GALNT3: variants seen among roughly 807,000 people sequenced by gnomAD.
GALNT3 encodes the protein polypeptide N-acetylgalactosaminyltransferase 3.
Under a neutral mutation model 69.8 loss-of-function variants are expected in GALNT3, and 51 were observed. The observed-to-expected ratio is 0.73, with a 90% CI of 0.58 to 0.92. GALNT3 has a LOEUF of 0.92. Ranked by LOEUF, GALNT3 falls within the 40% of genes least tolerant of loss-of-function variation. The pLI is 0.00. For synonymous variants in GALNT3, 265 were observed against 248.5 expected (o/e 1.07, Z -0.63); for missense variants, 711 against 760.0 (o/e 0.94, Z 0.76).
chr2:165,791,598 T>C (rs2105235703), intron 1 of GALNT3, among the ~76,000 whole-genome samples: 1 of 152,210 alleles, frequency 6.6e-6, no homozygotes, highest in Non-Finnish European at 1.5e-5. Context: ...TTAAAGAAAC[T>C]TAGTGTTAAG....
Position 165,764,914 on chromosome 2 carries a change from T to C in GALNT3, c.658A>G (p.Ile220Val). 1 of 1,614,220 alleles carries C rather than the reference T, an allele frequency of 6.2e-7. No homozygotes were observed. The highest frequency in any genetic ancestry group is 8.5e-7 in the Non-Finnish European group (1 of 1,180,036). ...ACACTAGCATCATCCACCAAAATGA[T>C]TTCCTTCAGCAGTATTGCAGGTGAA... ...YSSPAILLKEIILVDDASVDE... is the reference protein window; with the variant it reads ...YSSPAILLKEVILVDDASVDE... Residue 220 changes from isoleucine to valine, a missense_variant, in exon 3 of 11, where the codon ATC becomes GTC. By Grantham distance (29) the Ile-to-Val change is conservative (BLOSUM62 3). Coordinates refer to ENST00000392701, the MANE Select transcript of GALNT3 (RefSeq NM_004482.4).
chr2:165,788,094 C>T (rs1008974182), intron 1 of GALNT3, among the ~76,000 whole-genome samples: 2 of 151,990 alleles, frequency 1.3e-5, no homozygotes, highest in East Asian at 1.9e-4. Flanking sequence ...TTTGGGAGGC[C>T]GAGGCGGGAG....
At chr2:165,771,076 C>T (rs1231549765) in intron 1 of GALNT3, among the ~76,000 whole-genome samples, 1 of 151,922 alleles carries the variant, frequency 6.6e-6, no homozygotes, top group Non-Finnish European at 1.5e-5. Flanking sequence ...CCACTATATA[C>T]TATGTATAAA....
intron 1 of GALNT3, among the ~76,000 whole-genome samples, chr2:165,783,184 A>C (rs571881526): frequency 6.6e-6 from 1 of 152,286 alleles, no homozygotes; most frequent in South Asian, 2.1e-4. Flanking sequence ...GAGAGCAGGC[A>C]CAGATTTTTT....
At chr2:165,761,619 A>AAAAAAAAAAAAAAAG in intron 4 of GALNT3, 1 of 605,094 alleles carries the variant, frequency 1.7e-6, no homozygotes, top group Non-Finnish European at 2.9e-6. Flanking sequence ...GAAACATGGA[A>AAAAAAAAAAAAAAAG]AAAAAAAAAA....
chr2:165,783,582 AT>A (rs930954477), intron 1 of GALNT3, among the ~76,000 whole-genome samples: 34 of 151,582 alleles, frequency 2.2e-4, no homozygotes, highest in African/African-American at 7.5e-4. Flanking sequence ...TAGATAACAA[AT>A]TTTTTTTTGC....
intron 1 of GALNT3, chr2:165,793,606 G>C (rs1206344585): frequency 6.6e-6 from 1 of 152,372 alleles, no homozygotes; most frequent in African/African-American, 2.4e-5. Flanking sequence ...GGGCAGAGAG[G>C]CTGGAGGAGA....
At chr2:165,793,519 C>T (rs1414419966) in intron 1 of GALNT3, among the ~76,000 whole-genome samples, 1 of 152,246 alleles carries the variant, frequency 6.6e-6, no homozygotes, top group East Asian at 1.9e-4. Context: ...GGTTTGCAGC[C>T]TAGAACTGTT....
At chr2:165,751,406 A>C (rs1200248742) in intron 9 of GALNT3, among the ~76,000 whole-genome samples, 1 of 152,156 alleles carries the variant, frequency 6.6e-6, no homozygotes, top group Non-Finnish European at 1.5e-5. Flanking sequence ...GTAGTTCTTC[A>C]GATGGAAACA....
Position 165,759,330 on chromosome 2 carries a change from TCTTA to T in GALNT3, c.1073+2_1073+5del. 6.2e-7 allele frequency: 1 copy of T among 1,606,070 alleles called. No individual in the cohort carries two copies. The highest frequency in any genetic ancestry group is 8.5e-7 in the Non-Finnish European group (1 of 1,173,292). ...AAATATAAGACTCTGAGAGCAATCA[TCTTA>T]CTTAATTGGGTAGGTTTCATCTTTC... is the stretch of plus-strand genomic sequence containing the variant. On this transcript the variant is annotated splice_donor_variant and splice_donor_5th_base_variant and intron_variant, in intron 5 of 10. Coordinates refer to ENST00000392701, the MANE Select transcript of GALNT3 (RefSeq NM_004482.4). LOFTEE classifies it high-confidence loss of function.
intron 9 of GALNT3, among the ~76,000 whole-genome samples, chr2:165,752,089 C>A (rs556337162): frequency 6.6e-6 from 1 of 152,242 alleles, no homozygotes; most frequent in East Asian, 1.9e-4. Context: ...GCCAGTTAAG[C>A]CCTACATGAT....
Position 165,748,907 on chromosome 2 carries a change from G to T in GALNT3, c.1780-4C>A, listed in dbSNP as rs367583324. On this transcript the variant is annotated splice_region_variant and splice_polypyrimidine_tract_variant and intron_variant, in intron 10 of 10. Transcript: ENST00000392701. ...ATGGATTGTATAGAAGTTGATCCTA[G>T]AATAAAAGGAAACAACAGACATTAA... 1.4e-5 allele frequency: 22 copies of T among 1,606,974 alleles called. No individual in the cohort carries two copies. The highest frequency in any genetic ancestry group is 1.9e-5 in the Non-Finnish European group (22 of 1,175,238).
intron 1 of GALNT3, among the ~76,000 whole-genome samples, chr2:165,776,018 C>T (rs752997599): frequency 4.6e-5 from 7 of 152,086 alleles, no homozygotes; most frequent in Admixed American, 6.5e-5. Flanking sequence ...CAGGGATTTA[C>T]GCTGATATAA....
intron 3 of GALNT3, among the ~76,000 whole-genome samples, chr2:165,764,241 G>A (rs1479573428): frequency 2.6e-5 from 4 of 152,072 alleles, no homozygotes; most frequent in Non-Finnish European, 4.4e-5. Flanking sequence ...TAAGAACACC[G>A]AAATAAAATA....
At chr2:165,751,910 AAAAAT>A (rs2105400376) in intron 9 of GALNT3, among the ~76,000 whole-genome samples, 1 of 152,342 alleles carries the variant, frequency 6.6e-6, no homozygotes, top group South Asian at 2.1e-4. Flanking sequence ...ATGCTTGATT[AAAAAT>A]AAAATGTCAA....
At chr2:165,757,286 T>A (rs1284408924) in intron 6 of GALNT3, 39 bp from the exon 7 acceptor site, 1 of 1,594,638 alleles carries the variant, frequency 6.3e-7, no homozygotes. Context: ...TACAGTATTT[T>A]AGAAAAATCA....
Position 165,759,444 on chromosome 2 carries a change from T to C in GALNT3, c.965A>G (p.Tyr322Cys). ...ATTTCCACGGTTATGGTTACTTCCATAAGGAGAAGGTTTGTTGAATTCAAA... is the reference window on the plus strand; with the variant it reads ...ATTTCCACGGTTATGGTTACTTCCACAAGGAGAAGGTTTGTTGAATTCAAA... ...NTFEFNKPSP[Y>C]GSNHNRGNFD... Residue 322 changes from tyrosine (Y) to cysteine (C), a missense_variant, in exon 5 of 11, where the codon TAT becomes TGT. Transcript: ENST00000392701. 1 of 1,614,046 alleles carries C rather than the reference T, an allele frequency of 6.2e-7. No individual in the cohort carries two copies. Among genetic ancestry groups the C allele is most frequent in the African/African-American group, 1.3e-5 (1 of 75,044 alleles).
At chr2:165,751,499 T>C (rs978198726) in intron 9 of GALNT3, among the ~76,000 whole-genome samples, 1 of 152,122 alleles carries the variant, frequency 6.6e-6, no homozygotes, top group Non-Finnish European at 1.5e-5. Context: ...ATCTCAAAAA[T>C]GGTAACAAAG....
Position 165,759,490 on chromosome 2 carries a change from C to A in GALNT3, c.919G>T (p.Ala307Ser), listed in dbSNP as rs763726940. The A allele has an allele frequency of 5.0e-6, 8 of 1,614,036 alleles. No homozygotes were observed. Among genetic ancestry groups the A allele is most frequent in the Non-Finnish European group, 6.8e-6 (8 of 1,179,998 alleles). Residue 307 changes from alanine to serine, a missense_variant, in exon 5 of 11, where the codon GCA becomes TCA. By Grantham distance (99) the Ala-to-Ser change is moderately conservative (BLOSUM62 1). Coordinates refer to ENST00000392701, the MANE Select transcript of GALNT3 (RefSeq NM_004482.4). ...NYTAVVSPDIASIDLNTFEFN... is the reference protein window; with the variant it reads ...NYTAVVSPDISSIDLNTFEFN... ...TCAAACGTGTTCAGATCTATGGATGCAATATCTGGACTTACGACAGCCGTG... is the reference window on the plus strand; with the variant it reads ...TCAAACGTGTTCAGATCTATGGATGAAATATCTGGACTTACGACAGCCGTG...
Sources: allele counts gnomAD v4.1 joint callset (sites outside exome capture counted in the v4.1 genomes callset), GRCh38; gene constraint gnomAD v4.1.1; transcripts MANE v1.5; gene names NCBI Gene and HGNC (gene_info 2026-07-23, HGNC 2026-07-21).